The following CELF2 variants were observed in gnomAD, a reference collection of about 807,000 sequenced individuals.
The protein encoded by CELF2 is CUG triplet repeat RNA-binding protein 2.
CELF2 carries 8 observed loss-of-function variants against 62.6 expected under a neutral mutation model. That is an observed-to-expected ratio of 0.13 (90% CI 0.07 to 0.23). CELF2 has a LOEUF of 0.23. Ranked by LOEUF, CELF2 falls within the 10% of genes least tolerant of loss-of-function variation. The pLI, the probability that CELF2 is intolerant of heterozygous loss-of-function variation, is 1.00. For missense variants in CELF2, 333 were observed against 671.0 expected, an observed-to-expected ratio of 0.50 and a Z score of 5.56; for synonymous variants, 258 against 250.0, an observed-to-expected ratio of 1.03 and a Z score of -0.30.
chr10:11,015,024 C>T (rs1018834974), upstream of CELF2, among the ~76,000 whole-genome samples: 4 of 152,128 alleles, frequency 2.6e-5, no homozygotes, highest in Non-Finnish European at 4.4e-5. The surrounding 1 kb of genome is among the most constrained non-coding windows in gnomAD (Gnocchi z 4.8). Flanking sequence ...CAGCTGATGG[C>T]GTCGTCCCCT....
At chr10:10,547,673 T>TAG in the CELF2 span, among the ~76,000 whole-genome samples, 3,388 of 135,144 alleles carry the variant, frequency 0.025, 90 homozygotes, top group African/African-American at 0.071. Context: ...ACCAAAAAGA[T>TAG]AGAGAGAGAG....
the CELF2 span, among the ~76,000 whole-genome samples, chr10:10,548,939 C>T: frequency 6.6e-6 from 1 of 152,084 alleles, no homozygotes; most frequent in Non-Finnish European, 1.5e-5. Context: ...GTTATCGGTA[C>T]CTGTACTGAG....
intron 9 of CELF2, among the ~76,000 whole-genome samples, chr10:11,295,627 G>A (rs1056344987): frequency 3.9e-5 from 6 of 152,190 alleles, no homozygotes; most frequent in Non-Finnish European, 5.9e-5. Flanking sequence ...ACCAGAAAGC[G>A]AGAGGGTTTA....
intron 1 of CELF2, among the ~76,000 whole-genome samples, chr10:10,879,004 G>A (rs1052582763): frequency 9.9e-5 from 15 of 152,006 alleles, no homozygotes; most frequent in East Asian, 1.9e-4. Context: ...GTTCCTGTTC[G>A]TTTTTTGTCT....
intron 1 of CELF2, among the ~76,000 whole-genome samples, chr10:10,825,671 G>A (rs1228525484): frequency 6.6e-6 from 1 of 152,112 alleles, no homozygotes; most frequent in Non-Finnish European, 1.5e-5. Context: ...AGCCATCTAG[G>A]TATCCGGAGT....
intron 1 of CELF2, among the ~76,000 whole-genome samples, chr10:11,026,001 C>A (rs2059138200): frequency 6.6e-6 from 1 of 152,196 alleles, no homozygotes; most frequent in Non-Finnish European, 1.5e-5. Flanking sequence ...CTGGGGGCTT[C>A]TTCTGTTTCT....
intron 2 of CELF2, among the ~76,000 whole-genome samples, chr10:10,941,527 T>C (rs1400006921): frequency 6.6e-6 from 1 of 152,206 alleles, no homozygotes; most frequent in Non-Finnish European, 1.5e-5. Context: ...TCACTAATGC[T>C]AACGCTGCAC....
At chr10:11,193,699 G>A (rs956494718) in intron 2 of CELF2, among the ~76,000 whole-genome samples, 13 of 152,196 alleles carry the variant, frequency 8.5e-5, no homozygotes, top group African/African-American at 1.2e-4. Context: ...TATAGGTTTC[G>A]TAGTGAGAAC....
At chr10:10,754,061 GTTTT>G in the CELF2 span, among the ~76,000 whole-genome samples, 1 of 85,054 alleles carries the variant, frequency 1.2e-5, no homozygotes. Flanking sequence ...TGCTGAGGTG[GTTTT>G]TTTTTTTTTT....
At chr10:10,774,882 TA>T in the CELF2 span, among the ~76,000 whole-genome samples, 13 of 131,110 alleles carry the variant, frequency 9.9e-5, no homozygotes, top group Admixed American at 2.4e-4. Flanking sequence ...TTTATTTATT[TA>T]TTTTTTTTTT....
At chr10:10,544,984 A>T in the CELF2 span, among the ~76,000 whole-genome samples, 44 of 152,188 alleles carry the variant, frequency 2.9e-4, no homozygotes, top group African/African-American at 1.0e-3. Context: ...CATCGTTAAG[A>T]TTCTTAAGCC....
At chr10:10,856,506 A>G (rs1351698827) in intron 1 of CELF2, among the ~76,000 whole-genome samples, 1 of 152,206 alleles carries the variant, frequency 6.6e-6, no homozygotes, top group Non-Finnish European at 1.5e-5. Flanking sequence ...CAAGTGCTTT[A>G]TCATATTCTT....
chr10:10,753,641 A>G, the CELF2 span, among the ~76,000 whole-genome samples: 1 of 152,198 alleles, frequency 6.6e-6, no homozygotes, highest in Admixed American at 6.5e-5. Flanking sequence ...TCTCTTTCTT[A>G]TATTAAAAAA....
At chr10:10,703,236 A>G in the CELF2 span, among the ~76,000 whole-genome samples, 2 of 152,214 alleles carry the variant, frequency 1.3e-5, no homozygotes, top group Non-Finnish European at 2.9e-5. Context: ...TTACAACTCT[A>G]TAGAGTTGTA....
intron 11 of CELF2, among the ~76,000 whole-genome samples, chr10:11,325,490 CCCAAGAAAAACCCATG>C (rs1285147048): frequency 6.6e-6 from 1 of 152,224 alleles, no homozygotes; most frequent in Non-Finnish European, 1.5e-5. Context: ...AATACGGCCA[CCCAAGAAAAACCCATG>C]CCAAGATTAT....
chr10:10,724,359 T>C, the CELF2 span, among the ~76,000 whole-genome samples: 2 of 152,126 alleles, frequency 1.3e-5, no homozygotes, highest in Non-Finnish European at 2.9e-5. Flanking sequence ...CTGGGTGTGG[T>C]GGCTCAGGCC....
chr10:10,552,690 T>C, the CELF2 span, among the ~76,000 whole-genome samples: 8 of 152,282 alleles, frequency 5.3e-5, no homozygotes, highest in African/African-American at 1.7e-4. Flanking sequence ...AGAAAGTGGG[T>C]CAGAGATCAG....
intron 3 of CELF2, among the ~76,000 whole-genome samples, chr10:11,228,889 A>G (rs1172517534): frequency 6.6e-6 from 1 of 152,224 alleles, no homozygotes; most frequent in African/African-American, 2.4e-5. Flanking sequence ...TACTTAAGAG[A>G]GAATCAAAAG....
At chr10:10,689,513 A>G in the CELF2 span, among the ~76,000 whole-genome samples, 10 of 152,366 alleles carry the variant, frequency 6.6e-5, no homozygotes, top group South Asian at 1.9e-3. Context: ...TCACAAAATC[A>G]TAACATGAAA....
Sources: allele counts gnomAD v4.1 joint callset (sites outside exome capture counted in the v4.1 genomes callset), GRCh38; gene constraint gnomAD v4.1.1; non-coding constraint Gnocchi (gnomAD v3.1); transcripts MANE v1.5; gene names NCBI Gene and HGNC (gene_info 2026-07-23, HGNC 2026-07-21).